The following QTMAN variants were observed in gnomAD, a reference collection of about 807,000 sequenced individuals.
QTMAN encodes tRNA-queuosine alpha-mannosyltransferase.
At chr2:143,964,889 A>C in the QTMAN span, among the ~76,000 whole-genome samples, 3 of 152,166 alleles carry the variant, frequency 2.0e-5, no homozygotes, top group African/African-American at 7.2e-5. Context: ...TAATGTCTAA[A>C]GCTAAAACTC....
At chr2:144,247,997 G>GT in the QTMAN span, among the ~76,000 whole-genome samples, 419 of 152,258 alleles carry the variant, frequency 2.8e-3, 3 homozygotes, top group African/African-American at 9.3e-3. Flanking sequence ...AGCCACCACT[G>GT]TATTTTCTAA....
chr2:144,203,002 C>T, the QTMAN span, among the ~76,000 whole-genome samples: 2 of 152,104 alleles, frequency 1.3e-5, no homozygotes, highest in African/African-American at 4.8e-5. Context: ...AACTCCATAA[C>T]AAGAAAACTT....
At chr2:143,963,110 G>A in the QTMAN span, among the ~76,000 whole-genome samples, 1 of 152,188 alleles carries the variant, frequency 6.6e-6, no homozygotes, top group East Asian at 1.9e-4. Flanking sequence ...CCTCAGGCAA[G>A]TTATTTAACT....
the QTMAN span, among the ~76,000 whole-genome samples, chr2:144,321,714 C>T: frequency 5.3e-5 from 8 of 152,072 alleles, no homozygotes; most frequent in African/African-American, 9.7e-5. Context: ...GAAATCCTCC[C>T]ACTTCAACCT....
the QTMAN span, among the ~76,000 whole-genome samples, chr2:144,330,478 T>C: frequency 6.6e-6 from 1 of 152,186 alleles, no homozygotes; most frequent in South Asian, 2.1e-4. Flanking sequence ...ACTCTTAAAA[T>C]ACCAATCTGC....
chr2:144,137,489 C>T, the QTMAN span, among the ~76,000 whole-genome samples: 1 of 152,030 alleles, frequency 6.6e-6, no homozygotes, highest in African/African-American at 2.4e-5. Context: ...GTGAGACTGC[C>T]TTTATCACAC....
chr2:144,245,085 T>C, the QTMAN span, among the ~76,000 whole-genome samples: 4 of 152,338 alleles, frequency 2.6e-5, no homozygotes, highest in Admixed American at 2.0e-4. Flanking sequence ...CCCTTCACTA[T>C]TTGGCACAGG....
the QTMAN span, among the ~76,000 whole-genome samples, chr2:144,193,655 G>C: frequency 6.6e-6 from 1 of 151,660 alleles, no homozygotes; most frequent in Non-Finnish European, 1.5e-5. Context: ...CAAGTAACTG[G>C]AACTACAGGT....
the QTMAN span, among the ~76,000 whole-genome samples, chr2:143,977,217 C>T: frequency 6.6e-6 from 1 of 152,192 alleles, no homozygotes; most frequent in African/African-American, 2.4e-5. Context: ...TCAGGAAAGA[C>T]ATGGGCTGGA....
chr2:144,033,719 C>T, the QTMAN span, among the ~76,000 whole-genome samples: 1 of 152,132 alleles, frequency 6.6e-6, no homozygotes, highest in Non-Finnish European at 1.5e-5. Flanking sequence ...CTCGGTCAAC[C>T]AGCCCCTCCT....
the QTMAN span, chr2:144,230,127 T>C: frequency 6.6e-6 from 1 of 152,172 alleles, no homozygotes; most frequent in African/African-American, 2.4e-5. Flanking sequence ...CCCTATATGA[T>C]ATGAAGTCCG....
At chr2:144,051,488 C>G in the QTMAN span, among the ~76,000 whole-genome samples, 1 of 152,120 alleles carries the variant, frequency 6.6e-6, no homozygotes, top group African/African-American at 2.4e-5. Flanking sequence ...CTACTAAACT[C>G]CAGCCTGAGT....
chr2:144,048,760 C>T, the QTMAN span, among the ~76,000 whole-genome samples: 5 of 152,092 alleles, frequency 3.3e-5, no homozygotes, highest in East Asian at 1.9e-4. Flanking sequence ...CCTTATCTCC[C>T]CAACCCCCAC....
the QTMAN span, among the ~76,000 whole-genome samples, chr2:144,102,710 T>C: frequency 1.3e-5 from 2 of 152,218 alleles, no homozygotes; most frequent in Non-Finnish European, 2.9e-5. Context: ...TTTCTCTTCT[T>C]TTCCTTGTCA....
chr2:144,037,403 G>T, the QTMAN span, among the ~76,000 whole-genome samples: 26 of 152,274 alleles, frequency 1.7e-4, no homozygotes, highest in Non-Finnish European at 3.4e-4. Context: ...TGAACTTCAT[G>T]TGCTGTAGTC....
chr2:144,256,412 AT>A, the QTMAN span, among the ~76,000 whole-genome samples: 2 of 152,180 alleles, frequency 1.3e-5, no homozygotes, highest in Non-Finnish European at 2.9e-5. Flanking sequence ...ATTACATATA[AT>A]TGATTTCTTC....
At chr2:144,327,955 T>C in the QTMAN span, among the ~76,000 whole-genome samples, 29 of 152,220 alleles carry the variant, frequency 1.9e-4, no homozygotes, top group African/African-American at 7.0e-4. Flanking sequence ...GTTATTTATT[T>C]ATTTATTTAT....
chr2:144,251,865 A>G, the QTMAN span, among the ~76,000 whole-genome samples: 1 of 152,288 alleles, frequency 6.6e-6, no homozygotes, highest in East Asian at 1.9e-4. Flanking sequence ...ATATTTTTTA[A>G]AACTCTTAAA....
At chr2:144,144,928 AT>A in the QTMAN span, among the ~76,000 whole-genome samples, 1 of 151,858 alleles carries the variant, frequency 6.6e-6, no homozygotes, top group Non-Finnish European at 1.5e-5. Context: ...CAGAATTGTT[AT>A]TAACTTCTTT....
Sources: allele counts gnomAD v4.1 joint callset (sites outside exome capture counted in the v4.1 genomes callset), GRCh38; gene constraint gnomAD v4.1.1; transcripts MANE v1.5; gene names NCBI Gene and HGNC (gene_info 2026-07-23, HGNC 2026-07-21).